The following PTPRN2 variants were observed in gnomAD, a reference collection of about 807,000 sequenced individuals.
The protein encoded by PTPRN2 is protein tyrosine phosphatase receptor type N2, also known as receptor-type tyrosine-protein phosphatase N2.
Under a neutral mutation model 118.8 loss-of-function variants are expected in PTPRN2, and 74 were observed. The ratio of observed to expected loss-of-function variants is 0.62; its 90% CI spans 0.52 to 0.76. PTPRN2 has a LOEUF of 0.76. PTPRN2 is among the 30% of genes least tolerant of loss of function. The pLI is 0.00. For synonymous variants in PTPRN2, 641 were observed against 608.0 expected, an observed-to-expected ratio of 1.05 and a Z score of -0.80; for missense variants, 1,481 against 1,394.4, an observed-to-expected ratio of 1.06 and a Z score of -0.99.
chr7:158,417,735 C>T (rs375189080), intron 2 of PTPRN2, among the ~76,000 whole-genome samples: 7 of 19,776 alleles, frequency 3.5e-4, no homozygotes, highest in East Asian at 3.0e-3. Flanking sequence ...TGTTAAGTCA[C>T]GGTGTACTAC....
chr7:157,674,254 G>C lies in PTPRN2; in HGVS notation c.2001+8471C>G, dbSNP rs1205230769. Among the ~76,000 whole-genome samples, 5 of 152,200 alleles carry C rather than the reference G, an allele frequency of 3.3e-5. No individual in the cohort carries two copies. Among genetic ancestry groups the C allele is most frequent in the Admixed American group, 3.3e-4 (5 of 15,284 alleles). On this transcript the variant is annotated intron_variant, in intron 13 of 22. Coordinates refer to ENST00000389418, the MANE Select transcript of PTPRN2 (RefSeq NM_002847.5). This position sits in a 1 kb window ranked among gnomAD's most constrained non-coding sequence, Gnocchi z 4.5. ...GGGGACTTGGGCCTGGGAGAGAAGAGACAGCCAGGCGGCGAGGGACTTGTC... is the reference window on the plus strand; with the variant it reads ...GGGGACTTGGGCCTGGGAGAGAAGACACAGCCAGGCGGCGAGGGACTTGTC...
At chr7:157,578,175 C>T (rs940109837) in intron 17 of PTPRN2, 35 bp from the exon 18 acceptor site, 2 of 1,583,428 alleles carry the variant, frequency 1.3e-6, no homozygotes, top group African/African-American at 1.3e-5. Flanking sequence ...CGCGGTGTGA[C>T]TGTCTCATCA....
intron 2 of PTPRN2, among the ~76,000 whole-genome samples, chr7:158,355,820 G>A (rs887468469): frequency 3.9e-5 from 6 of 152,122 alleles, no homozygotes; most frequent in African/African-American, 1.4e-4. Flanking sequence ...CCAAGATGAT[G>A]GGGTGAGACC....
chr7:157,758,321 C>T (rs1235383588), intron 12 of PTPRN2, among the ~76,000 whole-genome samples: 2 of 152,256 alleles, frequency 1.3e-5, no homozygotes, highest in South Asian at 2.1e-4. Flanking sequence ...CTGGGTCATG[C>T]TCCGCTCAGG....
chr7:158,249,295 A>G (rs1796499783), intron 3 of PTPRN2, among the ~76,000 whole-genome samples: 1 of 150,950 alleles, frequency 6.6e-6, no homozygotes, highest in Non-Finnish European at 1.5e-5. Context: ...ACACATGCAT[A>G]CATATGCATA....
intron 6 of PTPRN2, among the ~76,000 whole-genome samples, chr7:158,150,700 G>A (rs774108417): frequency 1.3e-5 from 2 of 152,154 alleles, no homozygotes; most frequent in South Asian, 4.1e-4. Context: ...TCATGCAGAG[G>A]GAAGAATGTG....
At chr7:158,165,626 A>G (rs1822894443) in intron 6 of PTPRN2, among the ~76,000 whole-genome samples, 1 of 152,280 alleles carries the variant, frequency 6.6e-6, no homozygotes, top group Non-Finnish European at 1.5e-5. Flanking sequence ...TTCAGCCTTC[A>G]CTTAAGGAGC....
In PTPRN2 at chr7:157,615,505, G is replaced by A; in HGVS notation, c.2344+5857C>T. ...GCCTTTGCCAATATGCTCGGGACCT[G>A]GGGACGGCTGGGGTGACCCCATCGC... On this transcript the variant is annotated intron_variant, in intron 15 of 22. Transcript: ENST00000389418. This position sits in a 1 kb window ranked among gnomAD's most constrained non-coding sequence, Gnocchi z 4.3. 1 of 471,240 alleles carries A rather than the reference G, an allele frequency of 2.1e-6. No individual in the cohort carries two copies. 29.2% of individuals were successfully genotyped at this position (471,240 alleles called of 1,614,324 possible).
intron 11 of PTPRN2, among the ~76,000 whole-genome samples, chr7:157,942,429 T>G (rs1201816681): frequency 6.6e-6 from 1 of 152,160 alleles, no homozygotes; most frequent in Non-Finnish European, 1.5e-5. Flanking sequence ...TCAGGCAGCC[T>G]CAGCGAATGT....
At chr7:158,354,775 C>A (rs1808260067) in intron 2 of PTPRN2, among the ~76,000 whole-genome samples, 1 of 152,110 alleles carries the variant, frequency 6.6e-6, no homozygotes, top group South Asian at 2.1e-4. Flanking sequence ...GAAACAGTAA[C>A]AGAAAACTTT....
chr7:158,150,182 G>A (rs117040038), intron 6 of PTPRN2, among the ~76,000 whole-genome samples: 3 of 152,204 alleles, frequency 2.0e-5, no homozygotes, highest in African/African-American at 4.8e-5. Flanking sequence ...AAGCGGGGCA[G>A]TGTGTGTGAG....
At chr7:158,404,904 C>A (rs1396648088) in intron 2 of PTPRN2, among the ~76,000 whole-genome samples, 1 of 133,758 alleles carries the variant, frequency 7.5e-6, no homozygotes, top group Non-Finnish European at 1.6e-5. Context: ...CTCAGCTCCC[C>A]GGCCCCAGCT....
rs1483517197 is a variant in PTPRN2, at chr7:158,544,519, T to A, written c.112+43039A>T. Among the ~76,000 whole-genome samples the A allele has an allele frequency of 6.6e-6, 1 of 151,992 alleles. No homozygotes were observed. Among genetic ancestry groups the A allele is most frequent in the Non-Finnish European group, 1.5e-5 (1 of 68,010 alleles). On this transcript the variant is annotated intron_variant, in intron 1 of 22. Coordinates refer to ENST00000389418, the MANE Select transcript of PTPRN2 (RefSeq NM_002847.5). This position sits in a 1 kb window ranked among gnomAD's most constrained non-coding sequence, Gnocchi z 4.2. ...CTGGTGTGGTGGCACATGCCTGTAATCACAGCTACTTGGGATGCTGAAGCA... is the reference window on the plus strand; with the variant it reads ...CTGGTGTGGTGGCACATGCCTGTAAACACAGCTACTTGGGATGCTGAAGCA...
Position 158,517,326 on chromosome 7 carries a change from C to T in PTPRN2, c.113-27541G>A, listed in dbSNP as rs1317523971. 4.6e-5 allele frequency among the ~76,000 whole-genome samples: 7 copies of T among 152,312 alleles called. No homozygotes were observed. Among genetic ancestry groups the T allele is most frequent in the African/African-American group, 7.2e-5 (3 of 41,568 alleles). ...TGCGGGCAGCGCCCCCTCACAGAACCGCAGCAACGACACCTATCACCGCCC... is the reference window on the plus strand; with the variant it reads ...TGCGGGCAGCGCCCCCTCACAGAACTGCAGCAACGACACCTATCACCGCCC... On this transcript the variant is annotated intron_variant, in intron 1 of 22. Coordinates refer to ENST00000389418, the MANE Select transcript of PTPRN2 (RefSeq NM_002847.5). The surrounding 1 kb of genome is among the most constrained non-coding windows in gnomAD (Gnocchi z 5.3).
chr7:157,863,816 A>T (rs1810421202), intron 12 of PTPRN2: 1 of 152,226 alleles, frequency 6.6e-6, no homozygotes, highest in African/African-American at 2.4e-5. Flanking sequence ...GTGTGGAGAC[A>T]CCTGAAGATG....
At chr7:158,070,150 C>G (rs1235005992) in intron 11 of PTPRN2, among the ~76,000 whole-genome samples, 1 of 152,234 alleles carries the variant, frequency 6.6e-6, no homozygotes, top group Non-Finnish European at 1.5e-5. Flanking sequence ...GGGCACTGCA[C>G]TATGGCCAAC....
chr7:157,667,092 C>T (rs1280773449), intron 13 of PTPRN2, among the ~76,000 whole-genome samples: 2 of 108,884 alleles, frequency 1.8e-5, no homozygotes, highest in African/African-American at 6.0e-5. Flanking sequence ...GGCTTGCACG[C>T]TCAGCCTGTG....
chr7:158,515,288 G>C (rs1420060060), intron 1 of PTPRN2, among the ~76,000 whole-genome samples: 1 of 151,796 alleles, frequency 6.6e-6, no homozygotes, highest in Admixed American at 6.6e-5. Context: ...CTGGGTTCAA[G>C]TGATTCTCCT....
intron 3 of PTPRN2, among the ~76,000 whole-genome samples, chr7:158,208,290 T>C (rs1585853895): frequency 1.3e-5 from 2 of 152,068 alleles, no homozygotes; most frequent in Admixed American, 6.5e-5. Flanking sequence ...TGTTCAAGTA[T>C]AGGAAGGCTA....
Sources: gnomAD v4.1 joint callset for allele counts (sites outside exome capture counted in the v4.1 genomes callset) on GRCh38, gnomAD v4.1.1 for gene constraint, Gnocchi (gnomAD v3.1) non-coding constraint, MANE v1.5 for transcripts, NCBI Gene and HGNC (gene_info 2026-07-23, HGNC 2026-07-21) for gene names.